Variants in REDIC1 observed in about 807,000 individuals in gnomAD.
The protein encoded by REDIC1 is regulator of DNA class I crossover intermediates 1.
At chr12:39,831,235 G>C in the REDIC1 span, among the ~76,000 whole-genome samples, 2 of 152,128 alleles carry the variant, frequency 1.3e-5, no homozygotes, top group African/African-American at 4.8e-5. Flanking sequence ...CCTGGAACAG[G>C]GGCCCATTCA....
the REDIC1 span, among the ~76,000 whole-genome samples, chr12:39,627,735 G>A: frequency 2.9e-4 from 44 of 152,160 alleles, no homozygotes; most frequent in African/African-American, 7.7e-4. Flanking sequence ...TTATACAAAC[G>A]TCGAAGTCAA....
chr12:39,702,549 A>G, the REDIC1 span, among the ~76,000 whole-genome samples: 2 of 152,232 alleles, frequency 1.3e-5, no homozygotes, highest in South Asian at 2.1e-4. Context: ...ATTCCAATCA[A>G]TAGGAAAAGA....
chr12:39,781,579 C>G, the REDIC1 span, among the ~76,000 whole-genome samples: 97 of 152,322 alleles, frequency 6.4e-4, no homozygotes, highest in South Asian at 0.018. Flanking sequence ...TCCTTATTTT[C>G]AAAGCGATTT....
the REDIC1 span, among the ~76,000 whole-genome samples, chr12:39,818,490 C>T: frequency 3.4e-4 from 52 of 152,244 alleles, no homozygotes; most frequent in Non-Finnish European, 6.5e-4. Flanking sequence ...TGAGTAATTA[C>T]CTTCTTTGTT....
chr12:39,629,525 T>C, the REDIC1 span, among the ~76,000 whole-genome samples: 2 of 152,224 alleles, frequency 1.3e-5, no homozygotes, highest in African/African-American at 4.8e-5. Context: ...GCTTTTCTTA[T>C]ATAAACCAAA....
chr12:39,766,485 G>A, the REDIC1 span, among the ~76,000 whole-genome samples: 2 of 152,052 alleles, frequency 1.3e-5, no homozygotes, highest in Admixed American at 1.3e-4. Flanking sequence ...TCAATGTTGA[G>A]GGCTGCTGAC....
chr12:39,876,152 T>C, the REDIC1 span, among the ~76,000 whole-genome samples: 1 of 152,160 alleles, frequency 6.6e-6, no homozygotes, highest in East Asian at 1.9e-4. Context: ...AGTTGAAAGG[T>C]TTGCAACTCT....
the REDIC1 span, among the ~76,000 whole-genome samples, chr12:39,669,649 A>T: frequency 5.9e-4 from 90 of 152,312 alleles, 1 homozygote; most frequent in East Asian, 0.015. Context: ...CTGCCCCCAG[A>T]GGTGGAGTCT....
chr12:39,812,462 C>G, the REDIC1 span, among the ~76,000 whole-genome samples: 3 of 147,990 alleles, frequency 2.0e-5, no homozygotes, highest in Non-Finnish European at 4.5e-5. Flanking sequence ...CTTTCTTTCT[C>G]CTTTCTTTCT....
the REDIC1 span, among the ~76,000 whole-genome samples, chr12:39,785,804 T>C: frequency 5.3e-5 from 8 of 152,096 alleles, no homozygotes; most frequent in Admixed American, 4.6e-4. Context: ...TCAAAGGAGA[T>C]CATTTTGGAG....
At chr12:39,844,058 C>G in the REDIC1 span, among the ~76,000 whole-genome samples, 2 of 152,114 alleles carry the variant, frequency 1.3e-5, no homozygotes, top group African/African-American at 2.4e-5. Context: ...TGGGGCTCAT[C>G]ATTACTGTCT....
chr12:39,750,146 C>A, the REDIC1 span, among the ~76,000 whole-genome samples: 1 of 152,194 alleles, frequency 6.6e-6, no homozygotes, highest in Non-Finnish European at 1.5e-5. Context: ...TTGCAGATGA[C>A]ATGATTGTGT....
the REDIC1 span, among the ~76,000 whole-genome samples, chr12:39,703,268 C>G: frequency 6.6e-6 from 1 of 150,568 alleles, no homozygotes; most frequent in Non-Finnish European, 1.5e-5. Context: ...ACAAAAATCA[C>G]AAGCATTCTT....
the REDIC1 span, among the ~76,000 whole-genome samples, chr12:39,655,521 A>G: frequency 1.3e-5 from 2 of 152,236 alleles, no homozygotes; most frequent in South Asian, 4.1e-4. Context: ...CTCCTAGATG[A>G]CCTCAGGTCT....
chr12:39,659,076 TCTG>T, the REDIC1 span, among the ~76,000 whole-genome samples: 1 of 152,098 alleles, frequency 6.6e-6, no homozygotes, highest in Non-Finnish European at 1.5e-5. Flanking sequence ...CTATTGTAGA[TCTG>T]CTGGTGATTA....
chr12:39,814,198 G>T, the REDIC1 span, among the ~76,000 whole-genome samples: 2 of 152,184 alleles, frequency 1.3e-5, no homozygotes, highest in Non-Finnish European at 2.9e-5. Flanking sequence ...GATGTAGATT[G>T]TACTGCTGGA....
chr12:39,717,124 C>CATATATATACATATATATGTT, the REDIC1 span, among the ~76,000 whole-genome samples: 10,062 of 149,640 alleles, frequency 0.067, 1,220 homozygotes, highest in African/African-American at 0.24. Context: ...TATATACATA[C>CATATATATACATATATATGTT]ATATATATAC....
the REDIC1 span, among the ~76,000 whole-genome samples, chr12:39,820,267 G>A: frequency 1.3e-5 from 2 of 152,178 alleles, no homozygotes; most frequent in Admixed American, 6.5e-5. Flanking sequence ...CAGAGGGCAA[G>A]TGAAGACAGA....
the REDIC1 span, chr12:39,755,849 A>T: frequency 6.6e-6 from 1 of 152,088 alleles, no homozygotes; most frequent in African/African-American, 2.4e-5. Flanking sequence ...CTAGCAAATT[A>T]TACGGATAAA....
Sources: allele counts gnomAD v4.1 joint callset (sites outside exome capture counted in the v4.1 genomes callset), GRCh38; gene constraint gnomAD v4.1.1; transcripts MANE v1.5; gene names NCBI Gene and HGNC (gene_info 2026-07-23, HGNC 2026-07-21).